Variants in PLEKHA1 observed in about 807,000 individuals in gnomAD.
The protein encoded by PLEKHA1 is pleckstrin homology domain-containing family A member 1.
In PLEKHA1, 34 loss-of-function variants were observed where a neutral mutation model predicts 52.0. The observed-to-expected ratio is 0.65, with a 90% CI of 0.50 to 0.87. The LOEUF (loss-of-function observed/expected upper bound fraction) is 0.87, where lower values mean the gene tolerates loss of function less well. Ranked by LOEUF, PLEKHA1 falls within the 40% of genes least tolerant of loss-of-function variation. The pLI is 0.00. For missense variants in PLEKHA1, 497 were observed against 504.2 expected (o/e 0.99, Z 0.14); for synonymous variants, 163 against 170.7 (o/e 0.95, Z 0.35).
At chr10:122,392,838 A>G (rs1376992281) in intron 1 of PLEKHA1, among the ~76,000 whole-genome samples, 1 of 152,198 alleles carries the variant, frequency 6.6e-6, no homozygotes, top group Non-Finnish European at 1.5e-5. Context: ...AATAATCTAA[A>G]GGATAGATTA....
the PLEKHA1 span, chr10:122,440,167 A>G: frequency 6.6e-6 from 1 of 152,228 alleles, no homozygotes; most frequent in African/African-American, 2.4e-5. Flanking sequence ...ACAGGAGGCC[A>G]TCCAAATTAA....
chr10:122,418,467 A>T (rs528794800), intron 8 of PLEKHA1: 4 of 152,626 alleles, frequency 2.6e-5, no homozygotes, highest in Admixed American at 1.3e-4. Context: ...ACATAGTTTC[A>T]AAGTACCTAT....
At chr10:122,437,831 G>A in the PLEKHA1 span, 1 of 152,408 alleles carries the variant, frequency 6.6e-6, no homozygotes, top group Admixed American at 6.5e-5. Context: ...CAGTACAGAT[G>A]TCATTGGTGA....
rs1157397762 is a variant in PLEKHA1 at position 122,393,194 on chromosome 10, C to G, written c.-7C>G. The G allele has an allele frequency of 6.2e-7, 1 of 1,606,000 alleles. No individual in the cohort carries two copies. The highest frequency in any genetic ancestry group is 1.7e-5 in the Admixed American group (1 of 58,700). On this transcript the variant is annotated 5_prime_UTR_variant, in exon 2 of 12. Transcript: ENST00000368990. This position sits in a 1 kb window ranked among gnomAD's most constrained non-coding sequence, Gnocchi z 4.5. ...TTTATTTTACAGTGTAATGTTCAAG[C>G]TCAGAAATGCCTTATGTGGATCGTC...
At chr10:122,398,380 T>C (rs1329135035) in intron 3 of PLEKHA1, among the ~76,000 whole-genome samples, 1 of 152,162 alleles carries the variant, frequency 6.6e-6, no homozygotes, top group East Asian at 1.9e-4. Context: ...GAGGAAAATA[T>C]GGACCATTTT....
chr10:122,435,400 T>C (rs141109224), downstream of PLEKHA1: 83 of 152,334 alleles, frequency 5.4e-4, no homozygotes, highest in African/African-American at 1.8e-3. Flanking sequence ...TGCCTTACTG[T>C]GGTATATTCA....
intron 1 of PLEKHA1, among the ~76,000 whole-genome samples, chr10:122,388,669 C>T (rs951671900): frequency 3.2e-4 from 48 of 152,164 alleles, no homozygotes; most frequent in African/African-American, 9.7e-5. Flanking sequence ...AATGTATATA[C>T]TATAATTTAA....
chr10:122,441,649 AAG>A, the PLEKHA1 span: 2 of 152,192 alleles, frequency 1.3e-5, no homozygotes, highest in Non-Finnish European at 2.9e-5. Context: ...AACCCACTGA[AAG>A]AGGCTGCGTG....
intron 1 of PLEKHA1, among the ~76,000 whole-genome samples, chr10:122,389,508 C>T (rs1430575236): frequency 2.6e-5 from 4 of 152,052 alleles, no homozygotes; most frequent in African/African-American, 7.2e-5. Flanking sequence ...GAGAGCAGCC[C>T]GGCCAATGTG....
Position 122,408,223 on chromosome 10 carries a change from G to C in PLEKHA1, c.342+1550G>C, listed in dbSNP as rs559905720. On this transcript the variant is annotated intron_variant, in intron 5 of 11. Transcript: ENST00000368990. ...GTTTTACCATTTGCAATAACAAGCAGCACTGGTTTCTTAGTGCTTTAAGAG... is the reference window on the plus strand; with the variant it reads ...GTTTTACCATTTGCAATAACAAGCACCACTGGTTTCTTAGTGCTTTAAGAG... 5.9e-5 allele frequency among the ~76,000 whole-genome samples: 9 copies of C among 152,146 alleles called. 1 individual carries two copies. The highest frequency in any genetic ancestry group is 1.0e-4 in the Non-Finnish European group (7 of 68,034).
At chr10:122,401,712 G>A (rs538861574) in intron 4 of PLEKHA1, among the ~76,000 whole-genome samples, 1 of 152,154 alleles carries the variant, frequency 6.6e-6, no homozygotes, top group Non-Finnish European at 1.5e-5. Flanking sequence ...GGTGGTAGTC[G>A]AAGCTAGGAG....
At chr10:122,378,381 C>T (rs1565098802) in intron 1 of PLEKHA1, among the ~76,000 whole-genome samples, 3 of 151,038 alleles carry the variant, frequency 2.0e-5, no homozygotes. Context: ...TCCCACCCCC[C>T]TGTCCCCCAC....
At chr10:122,438,448 G>C in the PLEKHA1 span, 3 of 152,404 alleles carry the variant, frequency 2.0e-5, no homozygotes, top group Non-Finnish European at 2.9e-5. Flanking sequence ...TTTATCTGGG[G>C]TAGGAAGGCA....
At chr10:122,376,767 C>A (rs2096544263) in intron 1 of PLEKHA1, among the ~76,000 whole-genome samples, 1 of 152,080 alleles carries the variant, frequency 6.6e-6, no homozygotes, top group Non-Finnish European at 1.5e-5. Context: ...TGTGAGGAAA[C>A]TGCCATGAGT....
intron 7 of PLEKHA1, 30 bp downstream of exon 7, chr10:122,416,032 A>T: frequency 6.4e-7 from 1 of 1,571,800 alleles, no homozygotes; most frequent in East Asian, 2.3e-5. Flanking sequence ...ACATGAAATA[A>T]TGAAAAAGGA....
chr10:122,386,903 G>A (rs1403500839), intron 1 of PLEKHA1: 6 of 152,208 alleles, frequency 3.9e-5, no homozygotes, highest in African/African-American at 1.4e-4. Flanking sequence ...AGGTACTTCA[G>A]ATTTTCTTTT....
chr10:122,426,414 ATC>A (rs897558936), intron 10 of PLEKHA1, among the ~76,000 whole-genome samples: 4 of 152,106 alleles, frequency 2.6e-5, no homozygotes, highest in Admixed American at 2.0e-4. Context: ...AAGAGGCAGT[ATC>A]TCTGCACCCC....
chr10:122,432,780 G>C (rs967358021), downstream of PLEKHA1: 1 of 152,142 alleles, frequency 6.6e-6, no homozygotes, highest in African/African-American at 2.4e-5. Context: ...GTTAGAGGCT[G>C]CTCCTTGCAA....
chr10:122,389,881 C>T (rs1372200549), intron 1 of PLEKHA1, among the ~76,000 whole-genome samples: 7 of 137,660 alleles, frequency 5.1e-5, no homozygotes, highest in Admixed American at 1.4e-4. Flanking sequence ...TCAGCAGCTA[C>T]ATTAGCCCCT....
Sources: gnomAD v4.1 joint callset for allele counts (sites outside exome capture counted in the v4.1 genomes callset) on GRCh38, gnomAD v4.1.1 for gene constraint, Gnocchi (gnomAD v3.1) non-coding constraint, MANE v1.5 for transcripts, NCBI Gene and HGNC (gene_info 2026-07-23, HGNC 2026-07-21) for gene names.